PCDHGB1: variants seen among roughly 807,000 people sequenced by gnomAD.
The protein encoded by PCDHGB1 is protocadherin gamma-B1.
A neutral mutation model predicts 56.6 loss-of-function variants in PCDHGB1; 34 were observed. The observed-to-expected ratio is 0.60, with a 90% CI of 0.46 to 0.80. The LOEUF is 0.80. Among genes scored for constraint, PCDHGB1 ranks in the 30% least tolerant of loss-of-function variants. The probability of loss-of-function intolerance (pLI) is 0.00; values close to 1 mark genes in which losing one functional copy is unlikely to be tolerated. For missense variants in PCDHGB1, 1,278 were observed against 1,204.6 expected, an observed-to-expected ratio of 1.06 and a Z score of -0.90; for synonymous variants, 561 against 505.9, an observed-to-expected ratio of 1.11 and a Z score of -1.46.
At chr5:141,425,827 T>C (rs2096896512) in intron 1 of PCDHGB1, among the ~76,000 whole-genome samples, 1 of 152,226 alleles carries the variant, frequency 6.6e-6, no homozygotes, top group South Asian at 2.1e-4. Context: ...AAACAAACTT[T>C]TAAATTCTCT....
intron 1 of PCDHGB1, chr5:141,422,864 AC>A (rs2096680510): frequency 1.9e-6 from 3 of 1,614,190 alleles, no homozygotes; most frequent in Non-Finnish European, 2.5e-6. Flanking sequence ...CTCAGCAGCA[AC>A]GTGTCGCTGA....
intron 2 of PCDHGB1, among the ~76,000 whole-genome samples, chr5:141,498,601 G>A (rs2099784606): frequency 6.6e-6 from 1 of 152,126 alleles, no homozygotes; most frequent in African/African-American, 2.4e-5. Flanking sequence ...CTTGGTTCAA[G>A]TTCAAGTCAG....
At chr5:141,428,226 C>A (rs2154552641) in intron 1 of PCDHGB1, 1 of 1,137,180 alleles carries the variant, frequency 8.8e-7, no homozygotes, top group South Asian at 1.3e-5. Flanking sequence ...TCTTCGCAGA[C>A]AGCCTGCAGG....
rs2097370658 is a variant in PCDHGB1 at position 141,431,413 on chromosome 5, C to T, written c.2410-63394C>T. The T allele has an allele frequency of 1.2e-6, 2 of 1,613,564 alleles. No homozygotes were observed. Among genetic ancestry groups the T allele is most frequent in the African/African-American group, 2.7e-5 (2 of 74,952 alleles). ...TGGTCCTTACGGCCTCCGACGGGGG[C>T]GACCCGGTGCGCACAGGCACCGCGC... On this transcript the variant is annotated intron_variant, in intron 1 of 3. Transcript: ENST00000523390. This position sits in a 1 kb window ranked among gnomAD's most constrained non-coding sequence, Gnocchi z 4.8.
At chr5:141,481,524 A>G (rs186970700) in intron 1 of PCDHGB1, among the ~76,000 whole-genome samples, 4 of 152,240 alleles carry the variant, frequency 2.6e-5, no homozygotes, top group African/African-American at 9.6e-5. Flanking sequence ...CTCAGTAAAA[A>G]TCTAGAGATG....
At chr5:141,498,137 G>T (rs1319960274) in intron 2 of PCDHGB1, among the ~76,000 whole-genome samples, 1 of 152,204 alleles carries the variant, frequency 6.6e-6, no homozygotes, top group Non-Finnish European at 1.5e-5. Context: ...GGAGCAGGAG[G>T]ACATCCTGGA....
chr5:141,370,754 T>A, intron 1 of PCDHGB1: 1 of 1,613,980 alleles, frequency 6.2e-7, no homozygotes, highest in Non-Finnish European at 8.5e-7. Flanking sequence ...TTCATGTAAC[T>A]GTGCTGATCC....
chr5:141,364,173 G>C, intron 1 of PCDHGB1: 1 of 806,624 alleles, frequency 1.2e-6, no homozygotes. Flanking sequence ...ACCCGACTCT[G>C]CTCCCTCCAT....
chr5:141,361,816 C>A, intron 1 of PCDHGB1: 2 of 1,613,084 alleles, frequency 1.2e-6, no homozygotes, highest in East Asian at 2.2e-5. Flanking sequence ...CAATGCGCCA[C>A]GGGTGCTGTA....
At chr5:141,359,309 G>A (rs936588193) in intron 1 of PCDHGB1, among the ~76,000 whole-genome samples, 1 of 152,076 alleles carries the variant, frequency 6.6e-6, no homozygotes, top group African/African-American at 2.4e-5. Context: ...ATATTCAGGT[G>A]TTGGCATTAG....
intron 1 of PCDHGB1, chr5:141,356,995 G>A (rs372951385): frequency 6.2e-7 from 1 of 1,614,184 alleles, no homozygotes; most frequent in East Asian, 2.2e-5. Flanking sequence ...CAGAGACTCA[G>A]GTCAGAATGC....
intron 1 of PCDHGB1, chr5:141,423,381 G>T (rs2154550114): frequency 6.2e-7 from 1 of 1,614,204 alleles, no homozygotes; most frequent in East Asian, 2.2e-5. Flanking sequence ...TCAGGCTGTG[G>T]CGCTGGCATA....
At chr5:141,495,149 G>A (rs1448841303) in intron 2 of PCDHGB1, among the ~76,000 whole-genome samples, 1 of 152,170 alleles carries the variant, frequency 6.6e-6, no homozygotes, top group Non-Finnish European at 1.5e-5. Context: ...CCAAAGGATG[G>A]TCTTAAGCTG....
In PCDHGB1 at chr5:141,476,990, C is replaced by A; in HGVS notation, c.2410-17817C>A. On this transcript the variant is annotated intron_variant, in intron 1 of 3. Coordinates refer to ENST00000523390, the MANE Select transcript of PCDHGB1 (RefSeq NM_018922.3). The surrounding 1 kb of genome is among the most constrained non-coding windows in gnomAD (Gnocchi z 7.6). Reference sequence around the variant, plus strand: ...CGGCAGCCACAACCGCGCCGGCGTGCGGCAACTATTCGCCTTAGACCTTGT... The same window carrying A: ...CGGCAGCCACAACCGCGCCGGCGTGAGGCAACTATTCGCCTTAGACCTTGT... The A allele has an allele frequency of 6.2e-7, 1 of 1,614,220 alleles. No individual in the cohort carries two copies. Among genetic ancestry groups the A allele is most frequent in the South Asian group, 1.1e-5 (1 of 91,090 alleles).
intron 1 of PCDHGB1, chr5:141,356,795 T>G: frequency 1.2e-6 from 2 of 1,613,984 alleles, no homozygotes; most frequent in Non-Finnish European, 1.7e-6. Flanking sequence ...CAGCTGCTGA[T>G]GACAGCCAGT....
chr5:141,402,949 A>C, intron 1 of PCDHGB1: 2 of 1,594,986 alleles, frequency 1.3e-6, no homozygotes, highest in South Asian at 1.1e-5. Flanking sequence ...AAAGCGAGGC[A>C]GCAATGGCAG....
chr5:141,394,746 G>A (rs1380467870), intron 1 of PCDHGB1: 3 of 1,613,418 alleles, frequency 1.9e-6, no homozygotes. Flanking sequence ...CCTCGTGGTG[G>A]CCGTCCAGGA....
intron 1 of PCDHGB1, chr5:141,374,173 G>A: frequency 6.2e-7 from 1 of 1,613,470 alleles, no homozygotes; most frequent in Non-Finnish European, 8.5e-7. Flanking sequence ...CGGCAGCGCA[G>A]ATCCGCTACT....
chr5:141,444,545 C>G (rs1346405150), intron 1 of PCDHGB1, among the ~76,000 whole-genome samples: 1 of 152,042 alleles, frequency 6.6e-6, no homozygotes, highest in Non-Finnish European at 1.5e-5. Context: ...GTCTAGTGAG[C>G]AAAAGGCACT....
Sources: allele counts gnomAD v4.1 joint callset (sites outside exome capture counted in the v4.1 genomes callset), GRCh38; gene constraint gnomAD v4.1.1; non-coding constraint Gnocchi (gnomAD v3.1); transcripts MANE v1.5; gene names NCBI Gene and HGNC (gene_info 2026-07-23, HGNC 2026-07-21).